Variants in IL1RAPL1 observed in about 807,000 individuals in gnomAD.
IL1RAPL1 encodes interleukin-1 receptor accessory protein-like 1.
In IL1RAPL1, 3 loss-of-function variants were observed where a neutral mutation model predicts 48.4. That is an observed-to-expected ratio of 0.06 (90% CI 0.03 to 0.16). The LOEUF (loss-of-function observed/expected upper bound fraction) is 0.16. Ranked by LOEUF, IL1RAPL1 falls within the 10% of genes least tolerant of loss-of-function variation. IL1RAPL1 has a pLI of 1.00. For synonymous variants in IL1RAPL1, 185 were observed against 187.7 expected (o/e 0.99, Z 0.12); for missense variants, 349 against 530.6 (o/e 0.66, Z 3.36).
intron 6 of IL1RAPL1, among the ~76,000 whole-genome samples, chrX:29,901,620 T>C (rs1932498286): frequency 8.9e-6 from 1 of 112,130 alleles, no homozygotes; most frequent in Non-Finnish European, 1.9e-5. Flanking sequence ...TTGTTTCAAC[T>C]GCTCATGATA....
At chrX:29,901,784 TTAAA>T (rs1215691485) in intron 6 of IL1RAPL1, among the ~76,000 whole-genome samples, 2 of 111,611 alleles carry the variant, frequency 1.8e-5, no homozygotes, top group East Asian at 5.6e-4. Context: ...ACTGTAAGAG[TTAAA>T]TAAATCAAGA....
intron 5 of IL1RAPL1, among the ~76,000 whole-genome samples, chrX:29,517,432 T>C (rs1287926338): frequency 9.0e-6 from 1 of 111,176 alleles, no homozygotes; most frequent in African/African-American, 3.3e-5. Flanking sequence ...TCTTTTAAAA[T>C]ACATTGCTGT....
At chrX:29,854,241 C>T (rs559331823) in intron 6 of IL1RAPL1, among the ~76,000 whole-genome samples, 1 of 111,469 alleles carries the variant, frequency 9.0e-6, no homozygotes, top group African/African-American at 3.3e-5. Flanking sequence ...AAAAATGTAA[C>T]GTTATCAAAG....
intron 2 of IL1RAPL1, among the ~76,000 whole-genome samples, chrX:29,222,564 C>G (rs1177105791): frequency 8.9e-6 from 1 of 111,832 alleles, no homozygotes; most frequent in Non-Finnish European, 1.9e-5. Flanking sequence ...TATTATTTCT[C>G]TTTTATTTTA....
At chrX:28,808,967 G>A (rs1217806675) in intron 2 of IL1RAPL1, among the ~76,000 whole-genome samples, 1 of 110,408 alleles carries the variant, frequency 9.1e-6, no homozygotes, top group Non-Finnish European at 1.9e-5. Context: ...AATAAGAGGT[G>A]TCTTTTTTTA....
At chrX:29,434,324 A>T (rs1002426873) in intron 5 of IL1RAPL1, among the ~76,000 whole-genome samples, 1 of 110,282 alleles carries the variant, frequency 9.1e-6, no homozygotes, top group East Asian at 2.8e-4. Flanking sequence ...TGAGAAAAAT[A>T]TAATGAGTCC....
intron 2 of IL1RAPL1, among the ~76,000 whole-genome samples, chrX:29,111,615 G>A (rs1296882038): frequency 1.8e-5 from 2 of 111,700 alleles, no homozygotes; most frequent in African/African-American, 6.5e-5. Flanking sequence ...AGTGACTAGG[G>A]ATGAGACTGT....
chrX:29,104,257 T>C (rs765125341), intron 2 of IL1RAPL1, among the ~76,000 whole-genome samples: 11 of 112,164 alleles, frequency 9.8e-5, no homozygotes, highest in Non-Finnish European at 1.5e-4. Flanking sequence ...AAAGAAAATG[T>C]GGTACATATA....
intron 1 of IL1RAPL1, among the ~76,000 whole-genome samples, chrX:28,629,198 T>C (rs763868669): frequency 1.8e-5 from 2 of 111,475 alleles, no homozygotes; most frequent in Non-Finnish European, 3.8e-5. Flanking sequence ...AATTGGAAAG[T>C]AGGAGAATAA....
intron 2 of IL1RAPL1, among the ~76,000 whole-genome samples, chrX:28,873,519 C>CTTTTTTTTTT (rs1922266341): frequency 1.5e-5 from 1 of 67,391 alleles, no homozygotes; most frequent in African/African-American, 6.5e-5. Flanking sequence ...TGTTTTCTTT[C>CTTTTTTTTTT]TTTCTTTTTT....
At chrX:29,057,415 A>G (rs1316167708) in intron 2 of IL1RAPL1, among the ~76,000 whole-genome samples, 1 of 55,853 alleles carries the variant, frequency 1.8e-5, no homozygotes, top group Non-Finnish European at 2.7e-5. Context: ...TGTTTGGCCT[A>G]CTTTTTTTTT....
chrX:29,576,026 G>A (rs982505071), intron 5 of IL1RAPL1, among the ~76,000 whole-genome samples: 3 of 112,072 alleles, frequency 2.7e-5, no homozygotes, highest in Non-Finnish European at 5.6e-5. Context: ...ACCCCTTGGA[G>A]GGTGATTGAA....
chrX:29,177,002 C>T (rs762882273), intron 2 of IL1RAPL1, among the ~76,000 whole-genome samples: 2 of 111,380 alleles, frequency 1.8e-5, no homozygotes, highest in African/African-American at 3.3e-5. Flanking sequence ...TCAGTCTTCT[C>T]AGCATTCTCA....
intron 2 of IL1RAPL1, among the ~76,000 whole-genome samples, chrX:28,997,847 A>G (rs1224124930): frequency 1.8e-5 from 2 of 111,372 alleles, no homozygotes; most frequent in Non-Finnish European, 3.8e-5. Flanking sequence ...AAGGGAAAAT[A>G]TTCACATATT....
At chrX:29,394,232 C>T (rs1402225745) in intron 3 of IL1RAPL1, among the ~76,000 whole-genome samples, 2 of 111,105 alleles carry the variant, frequency 1.8e-5, no homozygotes, top group Non-Finnish European at 3.8e-5. Context: ...TGAGTGAATG[C>T]AGTTGCTTTC....
chrX:29,659,352 A>G (rs1234585118), intron 5 of IL1RAPL1, among the ~76,000 whole-genome samples: 1 of 111,898 alleles, frequency 8.9e-6, no homozygotes. Flanking sequence ...ATGACTTTCC[A>G]TCTATCTTGC....
intron 1 of IL1RAPL1, among the ~76,000 whole-genome samples, chrX:28,722,856 C>T (rs993856462): frequency 7.2e-5 from 8 of 111,308 alleles, no homozygotes; most frequent in Middle Eastern, 4.2e-3. Flanking sequence ...AAAATCATGT[C>T]GTTTTTGTCT....
chrX:28,657,206 T>C (rs1014540689), intron 1 of IL1RAPL1, among the ~76,000 whole-genome samples: 4 of 111,502 alleles, frequency 3.6e-5, no homozygotes, highest in Non-Finnish European at 7.5e-5. Context: ...TGTGTAACAT[T>C]TGTACTTTTG....
chrX:29,052,613 C>T (rs1055644802), intron 2 of IL1RAPL1, among the ~76,000 whole-genome samples: 4 of 107,796 alleles, frequency 3.7e-5, no homozygotes, highest in African/African-American at 1.4e-4. Context: ...CTACTCTTAT[C>T]TTGTCTGAAT....
Sources: gnomAD v4.1 joint callset for allele counts (sites outside exome capture counted in the v4.1 genomes callset) on GRCh38, gnomAD v4.1.1 for gene constraint, MANE v1.5 for transcripts, NCBI Gene and HGNC (gene_info 2026-07-23, HGNC 2026-07-21) for gene names.